TET3: variants seen among roughly 807,000 people sequenced by gnomAD.
TET3 encodes methylcytosine dioxygenase TET3.
Under a neutral mutation model 141.4 loss-of-function variants are expected in TET3, and 19 were observed. The ratio of observed to expected loss-of-function variants is 0.13; its 90% confidence interval spans 0.09 to 0.20. TET3 has a LOEUF of 0.20. Among genes scored for constraint, TET3 ranks in the 10% least tolerant of loss-of-function variants. The probability of loss-of-function intolerance (pLI) is 1.00; values close to 1 mark genes in which losing one functional copy is unlikely to be tolerated. For synonymous variants in TET3, 1,043 were observed against 980.9 expected (o/e 1.06, Z -1.18); for missense variants, 1,874 against 2,356.9 (o/e 0.80, Z 4.24).
intron 6 of TET3, among the ~76,000 whole-genome samples, chr2:74,084,672 C>G (rs917678939): frequency 1.3e-5 from 2 of 152,068 alleles, no homozygotes; most frequent in African/African-American, 4.8e-5. Flanking sequence ...CCAGGATGGT[C>G]TCGATCTCCT....
At position 74,101,321 on chromosome 2, in the gene TET3, A is replaced by G. The variant is rs1485479109; in HGVS notation, c.4533A>G (p.Lys1511=). 37 of 1,613,416 alleles carry G rather than the reference A, an allele frequency of 2.3e-5. No homozygotes were observed. Among genetic ancestry groups the G allele is most frequent in the Non-Finnish European group, 3.1e-5 (36 of 1,179,780 alleles). The change falls in exon 12 of 12, where the codon AAA becomes AAG. Residue 1511 remains lysine, a synonymous_variant. Coordinates refer to ENST00000409262, the MANE Select transcript of TET3 (RefSeq NM_001287491.2). This position sits in a 1 kb window ranked among gnomAD's most constrained non-coding sequence, Gnocchi z 8.5. ...ASHSGGRLRG[K]PWSPCKFGNS... is the part of the protein sequence containing the mutation. ...ACTCTGGAGGACGGCTGCGAGGCAAACCGTGGAGCCCCTGCAAGTTTGGGA... is the reference window on the plus strand; with the variant it reads ...ACTCTGGAGGACGGCTGCGAGGCAAGCCGTGGAGCCCCTGCAAGTTTGGGA...
intron 2 of TET3, among the ~76,000 whole-genome samples, chr2:73,990,430 G>C (rs1206224456): frequency 6.6e-6 from 1 of 152,186 alleles, no homozygotes; most frequent in Non-Finnish European, 1.5e-5. Context: ...CAGAACAGTA[G>C]AGCCAGGCAG....
chr2:74,026,805 G>A (rs919319538), intron 3 of TET3, among the ~76,000 whole-genome samples: 7 of 149,546 alleles, frequency 4.7e-5, no homozygotes, highest in African/African-American at 1.8e-4. Flanking sequence ...CTCTACCCAG[G>A]GAATCAGCTG....
In TET3 at chr2:74,093,798, C is replaced by G; in HGVS notation, c.3267+132C>G. ...AGGATCCTCAGAACTCTGGAAGGTT[C>G]CCTGCAAGACGGCCTGCCTTCGCCC... On this transcript the variant is annotated intron_variant, in intron 10 of 11. Transcript: ENST00000409262. This position sits in a 1 kb window ranked among gnomAD's most constrained non-coding sequence, Gnocchi z 4.2. 8.3e-7 allele frequency: 1 copy of G among 1,210,222 alleles called. No individual in the cohort carries two copies. The highest frequency in any genetic ancestry group is 2.1e-5 in the South Asian group (1 of 47,964). The allele number at this position is 1,210,222 out of a possible 1,614,324, so 75.0% of individuals were successfully genotyped here.
intron 4 of TET3, among the ~76,000 whole-genome samples, chr2:74,061,246 A>AC (rs1401309755): frequency 2.0e-4 from 26 of 129,208 alleles, no homozygotes; most frequent in Non-Finnish European, 2.5e-4. Context: ...CGGGGGGCTG[A>AC]CCCCCCCACT....
At chr2:74,085,292 A>G (rs1012649816) in intron 6 of TET3, among the ~76,000 whole-genome samples, 3 of 152,192 alleles carry the variant, frequency 2.0e-5, no homozygotes, top group Non-Finnish European at 1.5e-5. Flanking sequence ...GTTGATGGCA[A>G]TAAGGCCTGG....
At chr2:74,011,328 G>A (rs1004660934) in intron 3 of TET3, among the ~76,000 whole-genome samples, 4 of 151,878 alleles carry the variant, frequency 2.6e-5, no homozygotes, top group African/African-American at 9.7e-5. Context: ...GTAAATGCCT[G>A]TGTAATCAGC....
At chr2:74,019,224 T>G (rs1196317977) in intron 3 of TET3, among the ~76,000 whole-genome samples, 1 of 152,198 alleles carries the variant, frequency 6.6e-6, no homozygotes, top group African/African-American at 2.4e-5. Context: ...GCCACTGCAC[T>G]CCAGTCTGGG....
chr2:74,074,420 T>C (rs536809119), intron 5 of TET3, among the ~76,000 whole-genome samples: 2 of 152,382 alleles, frequency 1.3e-5, no homozygotes, highest in South Asian at 4.1e-4. Flanking sequence ...TGAGTTTATA[T>C]TGACACTCCC....
At chr2:73,992,771 T>G (rs1684401324) in intron 2 of TET3, among the ~76,000 whole-genome samples, 1 of 152,164 alleles carries the variant, frequency 6.6e-6, no homozygotes, top group African/African-American at 2.4e-5. Context: ...TTTTGAAAAT[T>G]GTAAATATAT....
At chr2:74,084,942 A>G (rs1690039464) in intron 6 of TET3, among the ~76,000 whole-genome samples, 1 of 152,152 alleles carries the variant, frequency 6.6e-6, no homozygotes. Flanking sequence ...CTCAAAAAAA[A>G]AGAGAAACAG....
At chr2:74,109,965 A>G (rs1443095556), downstream of TET3, among the ~76,000 whole-genome samples, 1 of 152,222 alleles carries the variant, frequency 6.6e-6, no homozygotes, top group Non-Finnish European at 1.5e-5. Context: ...TGAGGGTTTC[A>G]TCTCCCTGTG....
intron 3 of TET3, among the ~76,000 whole-genome samples, chr2:74,012,996 T>C (rs866633920): frequency 5.6e-4 from 82 of 146,776 alleles, no homozygotes; most frequent in African/African-American, 1.7e-3. Context: ...GGTAATGGGG[T>C]GTTTTTTTTT....
chr2:74,090,374 C>A (rs73948997), intron 8 of TET3, among the ~76,000 whole-genome samples: 1 of 152,228 alleles, frequency 6.6e-6, no homozygotes, highest in East Asian at 1.9e-4. Context: ...TTTCTCCCCC[C>A]CATCTTCCCA....
At chr2:74,043,927 A>T (rs941598995) in intron 3 of TET3, among the ~76,000 whole-genome samples, 2 of 152,224 alleles carry the variant, frequency 1.3e-5, no homozygotes, top group African/African-American at 4.8e-5. Flanking sequence ...TAGGAGGCTA[A>T]GGCCAGAGGA....
chr2:74,101,498 A>G lies in TET3; in HGVS notation c.4710A>G (p.Ala1570=), dbSNP rs1401220374. The change falls in exon 12 of 12, where the codon GCA becomes GCG. Residue 1570 remains alanine (A), a synonymous_variant. Transcript: ENST00000409262. This position sits in a 1 kb window ranked among gnomAD's most constrained non-coding sequence, Gnocchi z 8.5. The stretch of plus-strand genomic sequence containing the variant: ...GAGAGGAGGGCAGGATTCCAGCCGC[A>G]GGGGCCAGCCAGCTGGACAGGGCCT... ...MKGEEGRIPA[A]GASQLDRAWQ... The G allele has an allele frequency of 1.9e-6, 3 of 1,612,876 alleles. No individual in the cohort carries two copies. Among genetic ancestry groups the G allele is most frequent in the East Asian group, 2.2e-5 (1 of 44,840 alleles).
chr2:74,052,795 G>T (rs1447369769), intron 4 of TET3, among the ~76,000 whole-genome samples: 1 of 152,148 alleles, frequency 6.6e-6, no homozygotes, highest in East Asian at 1.9e-4. Flanking sequence ...ACTTGAACCT[G>T]GGAGGCCGAG....
chr2:73,996,662 C>G (rs1259527269), intron 2 of TET3, among the ~76,000 whole-genome samples: 1 of 152,186 alleles, frequency 6.6e-6, no homozygotes, highest in Non-Finnish European at 1.5e-5. Flanking sequence ...CATGCACCAC[C>G]ACACCTGAAT....
At position 73,986,162 on chromosome 2, in the gene TET3, C is replaced by T; in HGVS notation, c.-242C>T. On this transcript the variant is annotated 5_prime_UTR_variant, in exon 2 of 12. Coordinates refer to ENST00000409262, the MANE Select transcript of TET3 (RefSeq NM_001287491.2). ...TCTGAGGGCTGCTGCTGGTGTCCTC[C>T]CCCAGATCCTGGGCCCCAGCAGGTG... 5.5e-6 allele frequency: 2 copies of T among 363,382 alleles called. No homozygotes were observed. The highest frequency in any genetic ancestry group is 9.8e-6 in the Non-Finnish European group (2 of 204,654). 22.5% of individuals were successfully genotyped at this position (363,382 alleles called of 1,614,324 possible).
Sources: allele counts gnomAD v4.1 joint callset (sites outside exome capture counted in the v4.1 genomes callset), GRCh38; gene constraint gnomAD v4.1.1; non-coding constraint Gnocchi (gnomAD v3.1); transcripts MANE v1.5; gene names NCBI Gene and HGNC (gene_info 2026-07-23, HGNC 2026-07-21).